Variants in PXT1 observed in about 807,000 individuals in gnomAD.
The protein encoded by PXT1 is peroxisomal testis-specific protein 1.
PXT1 carries 11 observed loss-of-function variants against 11.0 expected under a neutral mutation model. The observed-to-expected ratio is 1.00, with a 90% CI of 0.63 to 1.66. The LOEUF (loss-of-function observed/expected upper bound fraction) is 1.66, where lower values mean the gene tolerates loss of function less well. Among genes scored for constraint, PXT1 ranks in the 40% most tolerant of loss-of-function variants. The probability of loss-of-function intolerance (pLI) is 0.00; values close to 1 mark genes in which losing one functional copy is unlikely to be tolerated. For synonymous variants in PXT1, 43 were observed against 51.4 expected (o/e 0.84, Z 0.70); for missense variants, 141 against 155.5 (o/e 0.91, Z 0.49).
chr6:36,437,575 G>T lies in PXT1; in HGVS notation c.-10+1192C>A, dbSNP rs190765062. Among the ~76,000 whole-genome samples the T allele has an allele frequency of 3.5e-3, 513 of 148,310 alleles. 1 individual carries two copies. The highest frequency in any genetic ancestry group is 0.012 in the African/African-American group (487 of 40,422). ...GTCGCCCAGGCTGGAGTGCAATGGC[G>T]CGATCTCGGCTCACTGCAATCTCTG... is the stretch of plus-strand genomic sequence containing the variant. On this transcript the variant is annotated intron_variant, in intron 2 of 4. Transcript: ENST00000454782.
At chr6:36,404,178 C>T (rs1387680402) in intron 3 of PXT1, among the ~76,000 whole-genome samples, 1 of 152,228 alleles carries the variant, frequency 6.6e-6, no homozygotes, top group East Asian at 1.9e-4. Flanking sequence ...TATTTCAAGT[C>T]TTGTTGAAAA....
chr6:36,394,987 G>A (rs1774122788), intron 4 of PXT1, among the ~76,000 whole-genome samples: 1 of 151,808 alleles, frequency 6.6e-6, no homozygotes, highest in African/African-American at 2.4e-5. Context: ...AAATTGTTTT[G>A]TAGAGACAGG....
At chr6:36,412,213 G>A (rs772551673) in intron 3 of PXT1, among the ~76,000 whole-genome samples, 8 of 151,986 alleles carry the variant, frequency 5.3e-5, no homozygotes, top group East Asian at 1.9e-4. Flanking sequence ...TTAGCCAGGC[G>A]TGGTGGCGTG....
Position 36,391,671 on chromosome 6 carries a change from G to C in PXT1, c.*99C>G, listed in dbSNP as rs759216555. 25 of 833,400 alleles carry C rather than the reference G, an allele frequency of 3.0e-5. No homozygotes were observed. Among genetic ancestry groups the C allele is most frequent in the Non-Finnish European group, 5.1e-5 (25 of 485,752 alleles). The allele number at this position is 833,400 out of a possible 1,614,324, so 51.6% of individuals were successfully genotyped here. ...ACAGTGATGGGTACAAAAAGAGGGAGACGGAGAAGGGTGTTCTTCCCATCT... is the reference window on the plus strand; with the variant it reads ...ACAGTGATGGGTACAAAAAGAGGGACACGGAGAAGGGTGTTCTTCCCATCT... On this transcript the variant is annotated 3_prime_UTR_variant, in exon 5 of 5. Coordinates refer to ENST00000454782, the MANE Select transcript of PXT1 (RefSeq NM_152990.4).
At chr6:36,425,805 A>AAACAAACAAACAAAAAAAAAAAAT (rs1554154141) in intron 3 of PXT1, 109 bp downstream of exon 3, 2 of 321,508 alleles carry the variant, frequency 6.2e-6, no homozygotes, top group African/African-American at 4.6e-5. Flanking sequence ...AAAAACAAAA[A>AAACAAACAAACAAAAAAAAAAAAT]ATATATATAT....
At chr6:36,393,621 C>T (rs142147185) in intron 4 of PXT1, among the ~76,000 whole-genome samples, 2 of 151,854 alleles carry the variant, frequency 1.3e-5, no homozygotes, top group East Asian at 3.9e-4. Context: ...CCCAGCTACT[C>T]GGGAGGCTGA....
intron 3 of PXT1, among the ~76,000 whole-genome samples, chr6:36,410,498 GAGGA>G (rs931451204): frequency 6.6e-6 from 1 of 150,604 alleles, no homozygotes; most frequent in African/African-American, 2.4e-5. Flanking sequence ...GGGAGGAAGA[GAGGA>G]AGGAAGAAAG....
Position 36,431,126 on chromosome 6 carries a change from A to G in PXT1, c.-9-5035T>C, listed in dbSNP as rs560994866. On this transcript the variant is annotated intron_variant, in intron 2 of 4. Coordinates refer to ENST00000454782, the MANE Select transcript of PXT1 (RefSeq NM_152990.4). ...CCACCATGCCTGGCCGTAAATTGTC[A>G]TTTTAAAAGTGTTCATTGTAAGATA... Among the ~76,000 whole-genome samples, 88 of 152,092 alleles carry G rather than the reference A, an allele frequency of 5.8e-4. 1 individual carries two copies. The highest frequency in any genetic ancestry group is 1.8e-4 in the Non-Finnish European group (12 of 67,996).
chr6:36,413,499 C>CTGAAATT (rs1774405286), intron 3 of PXT1, among the ~76,000 whole-genome samples: 3 of 152,014 alleles, frequency 2.0e-5, no homozygotes, highest in Admixed American at 1.3e-4. Context: ...TTTGAACATA[C>CTGAAATT]TGAAATTTCA....
intron 3 of PXT1, among the ~76,000 whole-genome samples, chr6:36,406,654 T>C (rs1393994798): frequency 2.6e-5 from 4 of 152,016 alleles, no homozygotes; most frequent in South Asian, 2.1e-4. Flanking sequence ...CTACTAAAAA[T>C]ACAAAAATCA....
At chr6:36,417,547 G>C (rs1183242717) in intron 3 of PXT1, among the ~76,000 whole-genome samples, 4 of 139,662 alleles carry the variant, frequency 2.9e-5, no homozygotes, top group Admixed American at 7.7e-5. Context: ...TTGAGCCCAG[G>C]AGTTTCGGAC....
At chr6:36,438,049 A>C (rs1774793311) in intron 2 of PXT1, among the ~76,000 whole-genome samples, 1 of 145,646 alleles carries the variant, frequency 6.9e-6, no homozygotes, top group Admixed American at 7.0e-5. Context: ...CGAACTCCTG[A>C]CCTCAGGTGA....
At chr6:36,440,883 C>A (rs982709336) in intron 1 of PXT1, among the ~76,000 whole-genome samples, 1 of 152,020 alleles carries the variant, frequency 6.6e-6, no homozygotes, top group African/African-American at 2.4e-5. Context: ...TTTCTGTATG[C>A]TTTAATTTCC....
At chr6:36,397,033 C>T (rs764452077) in intron 4 of PXT1, among the ~76,000 whole-genome samples, 9 of 152,082 alleles carry the variant, frequency 5.9e-5, no homozygotes, top group Non-Finnish European at 1.3e-4. Flanking sequence ...CAATGGATAA[C>T]CTGCCTACAG....
intron 2 of PXT1, among the ~76,000 whole-genome samples, chr6:36,435,958 A>G (rs1288642394): frequency 6.6e-6 from 1 of 152,194 alleles, no homozygotes; most frequent in Non-Finnish European, 1.5e-5. Flanking sequence ...CTCTACCAAA[A>G]GAAAGGAGTA....
At chr6:36,418,532 A>T (rs185721999) in intron 3 of PXT1, among the ~76,000 whole-genome samples, 1 of 152,346 alleles carries the variant, frequency 6.6e-6, no homozygotes, top group African/African-American at 2.4e-5. Context: ...TGTTTCCATG[A>T]ACCTGAGTTG....
intron 3 of PXT1, among the ~76,000 whole-genome samples, chr6:36,419,471 G>A (rs1476052678): frequency 6.6e-6 from 1 of 152,168 alleles, no homozygotes; most frequent in Non-Finnish European, 1.5e-5. Flanking sequence ...AGGCAAAGGG[G>A]CAGAGGAGGA....
In PXT1 at chr6:36,432,794, C is replaced by G. The variant is rs541061736; in HGVS notation, c.-10+5973G>C. Among the ~76,000 whole-genome samples, 8 of 152,190 alleles carry G rather than the reference C, an allele frequency of 5.3e-5. No homozygotes were observed. The South Asian group carries it at 1.2e-3, about 24-fold the overall frequency. ...AAATGCCACCTCTGGAGAAAGTAAA[C>G]TAAAGGAGTTACAGATAGGGGGACA... On this transcript the variant is annotated intron_variant, in intron 2 of 4. Coordinates refer to ENST00000454782, the MANE Select transcript of PXT1 (RefSeq NM_152990.4).
At chr6:36,412,457 C>T (rs572602849) in intron 3 of PXT1, among the ~76,000 whole-genome samples, 11 of 149,400 alleles carry the variant, frequency 7.4e-5, no homozygotes, top group Admixed American at 4.0e-4. Flanking sequence ...GTCAAGAAAT[C>T]GAGACCATCC....
Sources: gnomAD v4.1 joint callset for allele counts (sites outside exome capture counted in the v4.1 genomes callset) on GRCh38, gnomAD v4.1.1 for gene constraint, MANE v1.5 for transcripts, NCBI Gene and HGNC (gene_info 2026-07-23, HGNC 2026-07-21) for gene names.